The following ANKDD1B variants were observed in gnomAD, a reference collection of about 807,000 sequenced individuals.
ANKDD1B encodes ankyrin repeat and death domain-containing protein 1B.
ANKDD1B carries 57 observed loss-of-function variants against 59.7 expected under a neutral mutation model. The observed-to-expected ratio is 0.95, with a 90% CI of 0.77 to 1.19. The LOEUF is 1.19. Ranked by LOEUF, ANKDD1B falls within the 50% of genes most tolerant of loss-of-function variation. ANKDD1B has a pLI of 0.00. For synonymous variants in ANKDD1B, 216 were observed against 239.5 expected (o/e 0.90, Z 0.91); for missense variants, 602 against 641.9 (o/e 0.94, Z 0.67).
rs543933260 is a variant in ANKDD1B at position 75,671,421 on chromosome 5, T to A, written c.*381T>A. 1.9e-5 allele frequency: 3 copies of A among 155,064 alleles called. No homozygotes were observed. The South Asian group carries it at 6.2e-4, about 32-fold the overall frequency. 9.6% of individuals were successfully genotyped at this position (155,064 alleles called of 1,614,324 possible). A position where few individuals can be genotyped will look rare whatever the true frequency, so the allele number is the denominator to read the frequency against. On this transcript the variant is annotated 3_prime_UTR_variant, in exon 14 of 14. Coordinates refer to ENST00000601380, the MANE Select transcript of ANKDD1B (RefSeq NM_001276713.2). ...TGGTTTTGAACTTGGTTTTGCCACT[T>A]ATTAGATGTGAACCTTTGGGCATGT... is the stretch of plus-strand genomic sequence containing the variant.
intron 7 of ANKDD1B, among the ~76,000 whole-genome samples, chr5:75,638,568 A>G (rs2111950997): frequency 6.6e-6 from 1 of 152,368 alleles, no homozygotes; most frequent in Admixed American, 6.5e-5. Context: ...ATTATAAAGC[A>G]TATGCTAGAA....
At position 75,625,909 on chromosome 5, in the gene ANKDD1B, A is replaced by G; in HGVS notation, c.554A>G (p.Tyr185Cys). 1 of 1,536,182 alleles carries G rather than the reference A, an allele frequency of 6.5e-7. No homozygotes were observed. The highest frequency in any genetic ancestry group is 8.7e-7 in the Non-Finnish European group (1 of 1,146,888). ...TQSNHVRIVE[Y>C]LIQDLHLKDL... Reference sequence around the variant, plus strand: ...AGCAATCATGTGCGCATCGTGGAGTATCTTATTCAAGATCTGCACCTCAAG... The same window carrying G: ...AGCAATCATGTGCGCATCGTGGAGTGTCTTATTCAAGATCTGCACCTCAAG... Residue 185 changes from tyrosine to cysteine, a missense_variant, in exon 5 of 14, where the codon TAT (tyrosine) becomes TGT (cysteine). Coordinates refer to ENST00000601380, the MANE Select transcript of ANKDD1B (RefSeq NM_001276713.2).
intron 7 of ANKDD1B, among the ~76,000 whole-genome samples, chr5:75,644,999 T>C (rs1464528705): frequency 1.5e-5 from 2 of 133,788 alleles, no homozygotes; most frequent in East Asian, 2.0e-4. Context: ...TGAATGACTA[T>C]TGGGTACATA....
At chr5:75,649,402 G>T (rs1055936953) in intron 7 of ANKDD1B, among the ~76,000 whole-genome samples, 1 of 152,008 alleles carries the variant, frequency 6.6e-6, no homozygotes, top group African/African-American at 2.4e-5. Flanking sequence ...AACAATCAAT[G>T]AAGTATGAAT....
chr5:75,659,978 C>T (rs1413763061), intron 10 of ANKDD1B, among the ~76,000 whole-genome samples: 1 of 151,974 alleles, frequency 6.6e-6, no homozygotes, highest in African/African-American at 2.4e-5. Flanking sequence ...CATATCACAA[C>T]TTGTTCAGCT....
At chr5:75,659,216 G>A in intron 9 of ANKDD1B, 67 bp from the exon 10 acceptor site, 1 of 1,133,382 alleles carries the variant, frequency 8.8e-7, no homozygotes, top group East Asian at 2.6e-5. Flanking sequence ...AACCTAAATA[G>A]GATGGCTATA....
intron 1 of ANKDD1B, among the ~76,000 whole-genome samples, chr5:75,612,679 G>A (rs1773602517): frequency 1.3e-5 from 2 of 152,254 alleles, no homozygotes; most frequent in South Asian, 2.1e-4. Context: ...CTGTTGTGGT[G>A]GAGGGGTGAT....
At position 75,616,893 on chromosome 5, in the gene ANKDD1B, A is replaced by T; in HGVS notation, c.283A>T (p.Asn95Tyr). 1 of 1,509,576 alleles carries T rather than the reference A, an allele frequency of 6.6e-7. No individual in the cohort carries two copies. Among genetic ancestry groups the T allele is most frequent in the Non-Finnish European group, 8.9e-7 (1 of 1,123,288 alleles). 93.5% of individuals were successfully genotyped at this position (1,509,576 alleles called of 1,614,324 possible). The change falls in exon 2 of 14, where the codon AAT (asparagine) becomes TAT (tyrosine). Residue 95 changes from asparagine to tyrosine, a missense_variant. Transcript: ENST00000601380. ...EKLFEKKVNI[N>Y]VVNNMNRTAL... ...GCTGTTTGAAAAGAAGGTTAACATT[A>T]ATGTTGTGAACAATGTGAGTAGAAG... is the stretch of plus-strand genomic sequence containing the variant.
At chr5:75,657,188 G>A (rs1775000473) in intron 9 of ANKDD1B, among the ~76,000 whole-genome samples, 1 of 152,188 alleles carries the variant, frequency 6.6e-6, no homozygotes, top group Non-Finnish European at 1.5e-5. Context: ...GCTCACATGT[G>A]ATATTGGTTT....
At chr5:75,635,714 A>C (rs1774280631) in intron 6 of ANKDD1B, 70 bp from the exon 7 acceptor site, 9 of 989,540 alleles carry the variant, frequency 9.1e-6, no homozygotes, top group Non-Finnish European at 1.3e-5. Flanking sequence ...ACTCCATTGC[A>C]GCCCTTACTA....
intron 7 of ANKDD1B, among the ~76,000 whole-genome samples, chr5:75,639,164 A>G (rs1325271121): frequency 6.6e-6 from 1 of 152,176 alleles, no homozygotes; most frequent in Non-Finnish European, 1.5e-5. Context: ...AATGAGAAGA[A>G]AGATTATGGG....
intron 5 of ANKDD1B, among the ~76,000 whole-genome samples, chr5:75,629,368 ATGT>A (rs1774084915): frequency 6.6e-6 from 1 of 151,910 alleles, no homozygotes. Context: ...GTGATGGGAA[ATGT>A]TGTAGGCAGG....
intron 7 of ANKDD1B, among the ~76,000 whole-genome samples, chr5:75,640,934 G>A (rs1023809955): frequency 2.6e-5 from 4 of 152,070 alleles, no homozygotes; most frequent in African/African-American, 9.7e-5. Flanking sequence ...TTGAAAATGG[G>A]GCAAAATGAG....
chr5:75,623,994 T>C (rs1773923859), intron 3 of ANKDD1B, among the ~76,000 whole-genome samples: 1 of 152,160 alleles, frequency 6.6e-6, no homozygotes, highest in Non-Finnish European at 1.5e-5. Flanking sequence ...ACTTTACAAA[T>C]AGAAGTGTAC....
intron 2 of ANKDD1B, 97 bp downstream of exon 2, chr5:75,617,004 G>A: frequency 1.7e-6 from 1 of 599,808 alleles, no homozygotes; most frequent in Non-Finnish European, 2.8e-6. Context: ...AAATCATGGT[G>A]CTGGCTGAGA....
At chr5:75,624,497 T>A (rs1773936184) in intron 3 of ANKDD1B, among the ~76,000 whole-genome samples, 1 of 152,216 alleles carries the variant, frequency 6.6e-6, no homozygotes, top group Non-Finnish European at 1.5e-5. Flanking sequence ...GCCCACAGCA[T>A]CCCTACAGGT....
intron 7 of ANKDD1B, among the ~76,000 whole-genome samples, chr5:75,639,514 G>A (rs1486366199): frequency 6.6e-6 from 1 of 152,098 alleles, no homozygotes; most frequent in Admixed American, 6.5e-5. Context: ...GCCTTTATAA[G>A]CAGATGGCTG....
chr5:75,657,878 CAG>C (rs1775015747), intron 9 of ANKDD1B, among the ~76,000 whole-genome samples: 2 of 148,060 alleles, frequency 1.4e-5, no homozygotes, highest in South Asian at 4.3e-4. Context: ...GCCTGGGCAA[CAG>C]AGTGAGACTC....
At chr5:75,628,411 G>A (rs145362156) in intron 5 of ANKDD1B, among the ~76,000 whole-genome samples, 1 of 152,268 alleles carries the variant, frequency 6.6e-6, no homozygotes, top group African/African-American at 2.4e-5. Context: ...AAAAAATTGT[G>A]GGGGGAAATG....
Sources: gnomAD v4.1 joint callset for allele counts (sites outside exome capture counted in the v4.1 genomes callset) on GRCh38, gnomAD v4.1.1 for gene constraint, MANE v1.5 for transcripts, NCBI Gene and HGNC (gene_info 2026-07-23, HGNC 2026-07-21) for gene names.